Variants in CDK14 observed in about 807,000 individuals in gnomAD.
CDK14 encodes the protein cyclin-dependent kinase 14.
CDK14 carries 34 observed loss-of-function variants against 60.7 expected under a neutral mutation model. That is an observed-to-expected ratio of 0.56 (90% CI 0.43 to 0.75). CDK14 has a LOEUF of 0.75. CDK14 is among the 30% of genes least tolerant of loss of function. CDK14 has a pLI of 0.00. For synonymous variants in CDK14, 197 were observed against 203.7 expected, an observed-to-expected ratio of 0.97 and a Z score of 0.28; for missense variants, 482 against 564.1, an observed-to-expected ratio of 0.85 and a Z score of 1.47.
At chr7:90,860,219 AT>A (rs11299670) in intron 5 of CDK14, among the ~76,000 whole-genome samples, 40,945 of 151,374 alleles carry the variant, frequency 0.27, 5,835 homozygotes, top group South Asian at 0.32. Flanking sequence ...GCATTGTACA[AT>A]TTTTTTTTAA....
intron 10 of CDK14, among the ~76,000 whole-genome samples, chr7:91,030,861 C>G (rs1372202124): frequency 6.6e-6 from 1 of 152,228 alleles, no homozygotes. Context: ...TCAGGCCAGC[C>G]TGTTCCCTCC....
chr7:90,756,467 A>G (rs1318907354), intron 4 of CDK14, among the ~76,000 whole-genome samples: 1 of 152,222 alleles, frequency 6.6e-6, no homozygotes, highest in Non-Finnish European at 1.5e-5. Context: ...TTTTCACTCT[A>G]GTAGGTATTA....
chr7:91,178,692 A>G (rs1208249490), intron 14 of CDK14, among the ~76,000 whole-genome samples: 1 of 151,968 alleles, frequency 6.6e-6, no homozygotes, highest in Non-Finnish European at 1.5e-5. Context: ...ATGCAGCCAA[A>G]AAACACATGA....
intron 9 of CDK14, among the ~76,000 whole-genome samples, chr7:90,975,982 A>G (rs774955123): frequency 3.3e-5 from 5 of 152,140 alleles, no homozygotes; most frequent in African/African-American, 4.8e-5. Context: ...GCTATTGTGA[A>G]TAGTTCTGCA....
intron 2 of CDK14, among the ~76,000 whole-genome samples, chr7:90,663,314 A>G (rs1800901267): frequency 6.6e-6 from 1 of 152,184 alleles, no homozygotes; most frequent in Admixed American, 6.6e-5. Flanking sequence ...GTTAAGATTT[A>G]TTTATCTTGG....
chr7:91,083,983 G>A (rs76045197), intron 12 of CDK14, among the ~76,000 whole-genome samples: 3 of 152,304 alleles, frequency 2.0e-5, no homozygotes, highest in South Asian at 4.1e-4. Flanking sequence ...TAGTTGTGAT[G>A]GAACTAACAG....
At chr7:90,612,173 G>A (rs1799553457) in intron 2 of CDK14, among the ~76,000 whole-genome samples, 1 of 152,050 alleles carries the variant, frequency 6.6e-6, no homozygotes, top group Non-Finnish European at 1.5e-5. Context: ...CATTATCATT[G>A]CAGCTGCTGC....
At chr7:90,991,733 G>C (rs146138064) in intron 10 of CDK14, among the ~76,000 whole-genome samples, 1 of 152,248 alleles carries the variant, frequency 6.6e-6, no homozygotes, top group East Asian at 1.9e-4. Context: ...AAACACACAT[G>C]GGTTTATTAA....
intron 2 of CDK14, among the ~76,000 whole-genome samples, chr7:90,672,324 C>T (rs1424110197): frequency 6.6e-6 from 1 of 152,034 alleles, no homozygotes; most frequent in Non-Finnish European, 1.5e-5. Flanking sequence ...CACCCACTTA[C>T]GTGCCCTCCT....
intron 2 of CDK14, chr7:90,631,815 A>G (rs1164115019): frequency 6.6e-6 from 1 of 152,254 alleles, no homozygotes; most frequent in Non-Finnish European, 1.5e-5. Context: ...CTAGAAAGAT[A>G]CAGGAAGCTC....
At chr7:91,187,544 G>A (rs569192213) in intron 14 of CDK14, among the ~76,000 whole-genome samples, 39 of 152,274 alleles carry the variant, frequency 2.6e-4, no homozygotes, top group African/African-American at 8.9e-4. Context: ...AAGTGGCATC[G>A]TTGTCTAGGG....
At chr7:91,203,665 C>T (rs56320423) in intron 14 of CDK14, among the ~76,000 whole-genome samples, 31,196 of 152,110 alleles carry the variant, frequency 0.21, 3,609 homozygotes, top group South Asian at 0.3. Context: ...TCCCATTTAG[C>T]TGGAGTGGGC....
chr7:90,597,490 G>GTAC (rs1205925538), intron 1 of CDK14: 1 of 152,196 alleles, frequency 6.6e-6, no homozygotes, highest in Non-Finnish European at 1.5e-5. Context: ...TAGATTTTGA[G>GTAC]TACTGGGCAT....
At chr7:91,062,648 T>C (rs1452616514) in intron 11 of CDK14, among the ~76,000 whole-genome samples, 1 of 152,142 alleles carries the variant, frequency 6.6e-6, no homozygotes, top group Non-Finnish European at 1.5e-5. Context: ...CTTTCCTGTG[T>C]ATCAAATGCT....
At chr7:90,859,175 C>T (rs751140416) in intron 5 of CDK14, among the ~76,000 whole-genome samples, 9 of 152,148 alleles carry the variant, frequency 5.9e-5, no homozygotes, top group Non-Finnish European at 1.2e-4. Context: ...GATTCAGTTC[C>T]GGAGGGAACA....
chr7:90,699,323 C>G (rs184795562), intron 2 of CDK14, among the ~76,000 whole-genome samples: 2 of 152,210 alleles, frequency 1.3e-5, no homozygotes, highest in South Asian at 2.1e-4. Context: ...AGCTTAGTGC[C>G]TGATCACACT....
intron 14 of CDK14, among the ~76,000 whole-genome samples, chr7:91,156,951 G>A (rs1801003307): frequency 6.6e-6 from 1 of 152,152 alleles, no homozygotes; most frequent in Admixed American, 6.5e-5. Flanking sequence ...TTTATTTTAA[G>A]CAGCTATCAT....
intron 4 of CDK14, among the ~76,000 whole-genome samples, chr7:90,781,498 A>G (rs545777003): frequency 2.7e-5 from 4 of 149,352 alleles, no homozygotes; most frequent in East Asian, 4.0e-4. Flanking sequence ...GCCCATGCCT[A>G]TGTCCTGAAT....
intron 14 of CDK14, among the ~76,000 whole-genome samples, chr7:91,162,709 A>G (rs1584148466): frequency 6.6e-6 from 1 of 152,218 alleles, no homozygotes; most frequent in Non-Finnish European, 1.5e-5. Context: ...AATAATAGTC[A>G]TATCTACCTC....
Sources: gnomAD v4.1 joint callset for allele counts (sites outside exome capture counted in the v4.1 genomes callset) on GRCh38, gnomAD v4.1.1 for gene constraint, MANE v1.5 for transcripts, NCBI Gene and HGNC (gene_info 2026-07-23, HGNC 2026-07-21) for gene names.